The following ZNF473 variants were observed in gnomAD, a reference collection of about 807,000 sequenced individuals.
The protein encoded by ZNF473 is zinc finger protein 473, also known as zinc finger protein 100 homolog.
Under a neutral mutation model 11.1 loss-of-function variants are expected in ZNF473, and 4 were observed. The observed-to-expected ratio is 0.36, with a 90% CI of 0.18 to 0.82. The LOEUF (loss-of-function observed/expected upper bound fraction) is 0.82, where lower values mean the gene tolerates loss of function less well. ZNF473 is among the 40% of genes least tolerant of loss of function. The probability of loss-of-function intolerance (pLI) is 0.49; values close to 1 mark genes in which losing one functional copy is unlikely to be tolerated. For missense variants in ZNF473, 854 were observed against 1,084.0 expected, an observed-to-expected ratio of 0.79 and a Z score of 2.98; for synonymous variants, 404 against 390.4, an observed-to-expected ratio of 1.03 and a Z score of -0.41.
chr19:50,048,484 C>T lies in ZNF473; in HGVS notation c.*1425C>T, dbSNP rs1979267967. 6.6e-6 allele frequency: 1 copy of T among 152,240 alleles called. No individual in the cohort carries two copies. Among genetic ancestry groups the T allele is most frequent in the African/African-American group, 2.4e-5 (1 of 41,460 alleles). The allele number at this position is 152,240 out of a possible 1,614,324, so 9.4% of individuals were successfully genotyped here. A position where few individuals can be genotyped will look rare whatever the true frequency, so the allele number is the denominator to read the frequency against. ...TTAGTTGAAACTGGGAACCTGTTGGCTAACCATTGGGGCCTTACACTGTTT... is the reference window on the plus strand; with the variant it reads ...TTAGTTGAAACTGGGAACCTGTTGGTTAACCATTGGGGCCTTACACTGTTT... On this transcript the variant is annotated 3_prime_UTR_variant, in exon 5 of 5. Transcript: ENST00000270617.
intron 1 of ZNF473, 39 bp from the exon 2 acceptor site, chr19:50,030,853 G>T (rs1481664742): frequency 1.1e-5 from 7 of 612,972 alleles, no homozygotes; most frequent in Non-Finnish European, 2.0e-5. Context: ...GTGGGGCTGA[G>T]GTGGCTTCAG....
chr19:50,035,709 C>T (rs139688542), intron 2 of ZNF473, among the ~76,000 whole-genome samples: 1 of 152,212 alleles, frequency 6.6e-6, no homozygotes, highest in Non-Finnish European at 1.5e-5. Context: ...TCTGCTGAGC[C>T]CTGTGTAGGC....
intron 4 of ZNF473, chr19:50,042,201 G>T: frequency 6.4e-6 from 1 of 155,878 alleles, no homozygotes; most frequent in Non-Finnish European, 1.4e-5. Flanking sequence ...TTTCCTTCAG[G>T]CCCATTTTTC....
intron 2 of ZNF473, among the ~76,000 whole-genome samples, chr19:50,035,283 C>A (rs1302925316): frequency 6.6e-6 from 1 of 151,376 alleles, no homozygotes; most frequent in East Asian, 1.9e-4. Flanking sequence ...ACAGTGAGAC[C>A]CTATCTCAAA....
intron 1 of ZNF473, among the ~76,000 whole-genome samples, chr19:50,027,497 G>A (rs1344454475): frequency 6.6e-6 from 1 of 152,106 alleles, no homozygotes; most frequent in African/African-American, 2.4e-5. Flanking sequence ...GGATGACCTT[G>A]GGCTCCACCT....
intron 3 of ZNF473, chr19:50,040,422 C>G (rs767305135): frequency 1.3e-5 from 2 of 152,404 alleles, no homozygotes; most frequent in East Asian, 1.9e-4. Flanking sequence ...TCCAGCCCCC[C>G]AGAAGGAAAG....
At chr19:50,034,856 A>G (rs566192294) in intron 2 of ZNF473, among the ~76,000 whole-genome samples, 1 of 152,286 alleles carries the variant, frequency 6.6e-6, no homozygotes, top group African/African-American at 2.4e-5. Context: ...CTCATGGTCA[A>G]TCCTTTTACC....
intron 1 of ZNF473, among the ~76,000 whole-genome samples, chr19:50,026,346 G>GGA (rs1555857973): frequency 6.6e-6 from 1 of 151,998 alleles, no homozygotes; most frequent in African/African-American, 2.4e-5. Context: ...TGGCGGGGGG[G>GGA]ATCACTTACA....
Position 50,045,153 on chromosome 19 carries a change from C to T in ZNF473, c.710C>T (p.Thr237Ile), listed in dbSNP as rs1251714985. Reference sequence around the variant, plus strand: ...ATCACTCATACTAGGGAGAAACCCACTGTCCATCAAGAGTGTGAGCAAGGT... The same window carrying T: ...ATCACTCATACTAGGGAGAAACCCATTGTCCATCAAGAGTGTGAGCAAGGT... Reference protein sequence around the residue: ...HWITHTREKPTVHQECEQGFD... With the variant: ...HWITHTREKPIVHQECEQGFD... Residue 237 changes from threonine (T) to isoleucine (I), a missense_variant, in exon 5 of 5, where the codon ACT becomes ATT. This residue lies in a region of ZNF473 where 668 missense variants were observed against 790.2 expected (regional missense o/e 0.85). Coordinates refer to ENST00000270617, the MANE Select transcript of ZNF473 (RefSeq NM_015428.4). The T allele has an allele frequency of 5.6e-6, 9 of 1,614,138 alleles. No individual in the cohort carries two copies. The highest frequency in any genetic ancestry group is 7.6e-6 in the Non-Finnish European group (9 of 1,180,062).
intron 2 of ZNF473, among the ~76,000 whole-genome samples, chr19:50,036,159 C>T (rs1023296521): frequency 1.3e-5 from 2 of 151,098 alleles, no homozygotes; most frequent in African/African-American, 4.9e-5. Flanking sequence ...GGGGTTTTAC[C>T]ATGTTGCCCA....
At position 50,045,968 on chromosome 19, in the gene ZNF473, C is replaced by G. The variant is rs569135076; in HGVS notation, c.1525C>G (p.His509Asp). 49 of 1,614,182 alleles carry G rather than the reference C, an allele frequency of 3.0e-5. 1 individual carries two copies. The South Asian group carries it at 4.5e-4, about 15-fold the overall frequency. Residue 509 changes from histidine to aspartate, a missense_variant, in exon 5 of 5, where the codon CAC becomes GAC. Transcript: ENST00000270617. ...TCGCCTTGTGCAACACCAGAAAATG[C>G]ACACTGTCAAAACCCCATATGAATG... The part of the protein sequence containing the change: ...NNRLVQHQKM[H>D]TVKTPYECQE...
chr19:50,039,370 C>T lies in ZNF473; in HGVS notation c.136+83C>T. The T allele has an allele frequency of 6.4e-7, 1 of 1,552,294 alleles. No individual in the cohort carries two copies. Among genetic ancestry groups the T allele is most frequent in the Admixed American group, 1.8e-5 (1 of 56,016 alleles). ...CTCTCTACCACCCACAGGGTGAAGT[C>T]CTGGCTCCTGGGCTCCTCAGAATCA... On this transcript the variant is annotated intron_variant, in intron 3 of 4. Transcript: ENST00000270617. The surrounding 1 kb of genome is among the most constrained non-coding windows in gnomAD (Gnocchi z 4.8).
At chr19:50,028,337 G>A (rs1173033777) in intron 1 of ZNF473, among the ~76,000 whole-genome samples, 1 of 150,530 alleles carries the variant, frequency 6.6e-6, no homozygotes, top group Non-Finnish European at 1.5e-5. Flanking sequence ...TTTTTTGGAG[G>A]CAGGATCTTT....
chr19:50,046,197 C>G lies in ZNF473; in HGVS notation c.1754C>G (p.Thr585Ser), dbSNP rs776842754. ...CTAACTCAGCACGAGAGGATTCACA[C>G]CAGGGGAGTGAAGCCCTTTGAATGT... ...KYLTQHERIH[T>S]RGVKPFECDQ... is the part of the protein sequence containing the mutation. The change falls in exon 5 of 5, where the codon ACC becomes AGC. Residue 585 changes from threonine (T) to serine (S), a missense_variant. Around this residue, in one of 2 missense-constraint regions of ZNF473, gnomAD observed 668 missense variants for 790.2 expected, o/e 0.85. Coordinates refer to ENST00000270617, the MANE Select transcript of ZNF473 (RefSeq NM_015428.4). The surrounding 1 kb of genome is among the most constrained non-coding windows in gnomAD (Gnocchi z 5.9). 1.9e-6 allele frequency: 3 copies of G among 1,614,184 alleles called. No homozygotes were observed. The highest frequency in any genetic ancestry group is 2.5e-6 in the Non-Finnish European group (3 of 1,180,034).
Position 50,047,132 on chromosome 19 carries a change from G to C in ZNF473, c.*73G>C. The stretch of plus-strand genomic sequence containing the variant: ...GTTGAAAGTTGGAAACTATCCCATT[G>C]CAAGTTTCTCTCCAAATAAATGCAT... On this transcript the variant is annotated 3_prime_UTR_variant, in exon 5 of 5. Coordinates refer to ENST00000270617, the MANE Select transcript of ZNF473 (RefSeq NM_015428.4). 2 of 1,275,700 alleles carry C rather than the reference G, an allele frequency of 1.6e-6. No individual in the cohort carries two copies. Among genetic ancestry groups the C allele is most frequent in the Non-Finnish European group, 2.2e-6 (2 of 928,144 alleles). The allele number at this position is 1,275,700 out of a possible 1,614,324, so 79.0% of individuals were successfully genotyped here.
chr19:50,045,609 T>G lies in ZNF473; in HGVS notation c.1166T>G (p.Leu389Arg). Residue 389 changes from leucine to arginine, a missense_variant, in exon 5 of 5, where the codon CTG becomes CGG. Physicochemically the swap from Leu to Arg is moderately radical, Grantham distance 102. This residue lies in a region of ZNF473 where 668 missense variants were observed against 790.2 expected (regional missense o/e 0.85). Coordinates refer to ENST00000270617, the MANE Select transcript of ZNF473 (RefSeq NM_015428.4). Reference protein sequence around the residue: ...ECGKIFRHSSLLIEHQALHAG... With the variant: ...ECGKIFRHSSRLIEHQALHAG... The stretch of plus-strand genomic sequence containing the variant: ...GGGAAGATTTTTAGGCACAGTTCGC[T>G]GCTCATTGAACACCAGGCTCTTCAT... 1 of 1,614,158 alleles carries G rather than the reference T, an allele frequency of 6.2e-7. No homozygotes were observed. Among genetic ancestry groups the G allele is most frequent in the East Asian group, 2.2e-5 (1 of 44,884 alleles).
At chr19:50,038,308 A>G (rs1301916821) in intron 2 of ZNF473, among the ~76,000 whole-genome samples, 3 of 151,950 alleles carry the variant, frequency 2.0e-5, no homozygotes, top group Non-Finnish European at 4.4e-5. Context: ...GAAAGATGGC[A>G]TCACTAAAAG....
At chr19:50,043,561 G>A (rs1978908075) in intron 4 of ZNF473, 2 of 151,500 alleles carry the variant, frequency 1.3e-5, no homozygotes, top group South Asian at 2.1e-4. Flanking sequence ...GTTGTCGAGT[G>A]TAACAGAGTG....
intron 3 of ZNF473, among the ~76,000 whole-genome samples, chr19:50,040,022 T>C: frequency 6.6e-6 from 1 of 152,188 alleles, no homozygotes; most frequent in Non-Finnish European, 1.5e-5. Flanking sequence ...TTTTGCCGAT[T>C]GGTCTGAAAC....
Sources: gnomAD v4.1 joint callset for allele counts (sites outside exome capture counted in the v4.1 genomes callset) on GRCh38, gnomAD v4.1.1 for gene constraint, gnomAD v4.1.1 regional missense constraint, Gnocchi (gnomAD v3.1) non-coding constraint, MANE v1.5 for transcripts, NCBI Gene and HGNC (gene_info 2026-07-23, HGNC 2026-07-21) for gene names.